The following PSMA1 variants were observed in gnomAD, a reference collection of about 807,000 sequenced individuals.
PSMA1 encodes proteasome 20S subunit alpha 1.
In PSMA1, 3 loss-of-function variants were observed where a neutral mutation model predicts 38.4. That is an observed-to-expected ratio of 0.08 (90% confidence interval 0.04 to 0.20). The LOEUF is 0.20. PSMA1 is among the 10% of genes least tolerant of loss of function. The probability of loss-of-function intolerance (pLI) is 1.00; values close to 1 mark genes in which losing one functional copy is unlikely to be tolerated. For missense variants in PSMA1, 227 were observed against 325.3 expected, an observed-to-expected ratio of 0.70 and a Z score of 2.32; for synonymous variants, 101 against 107.1, an observed-to-expected ratio of 0.94 and a Z score of 0.35.
intron 1 of PSMA1, among the ~76,000 whole-genome samples, chr11:14,634,022 A>T (rs565797190): frequency 6.6e-6 from 1 of 152,012 alleles, no homozygotes; most frequent in East Asian, 1.9e-4. Flanking sequence ...ACACCCACTG[A>T]CCTGCGCCCA....
chr11:14,632,105 C>G (rs1206666658), intron 1 of PSMA1, among the ~76,000 whole-genome samples: 2 of 141,604 alleles, frequency 1.4e-5, no homozygotes, highest in Non-Finnish European at 3.1e-5. Flanking sequence ...ACTGATGGGT[C>G]TTGACTCTTT....
chr11:14,572,892 C>T (rs188614227), intron 2 of PSMA1, among the ~76,000 whole-genome samples: 23 of 152,240 alleles, frequency 1.5e-4, no homozygotes, highest in East Asian at 3.9e-4. Context: ...AACACCTCTA[C>T]GCAAATAAAC....
chr11:14,622,880 A>T (rs7931291), intron 1 of PSMA1, among the ~76,000 whole-genome samples: 1 of 151,956 alleles, frequency 6.6e-6, no homozygotes, highest in Non-Finnish European at 1.5e-5. Flanking sequence ...GAATAACAAC[A>T]TAGGGCCCTG....
At chr11:14,597,359 G>A (rs1277488282) in intron 2 of PSMA1, among the ~76,000 whole-genome samples, 3 of 152,180 alleles carry the variant, frequency 2.0e-5, no homozygotes, top group South Asian at 2.1e-4. Flanking sequence ...ATTCGGTTGT[G>A]AATCCATCTG....
chr11:14,548,786 T>C (rs1851855060), intron 2 of PSMA1, among the ~76,000 whole-genome samples: 1 of 152,200 alleles, frequency 6.6e-6, no homozygotes, highest in Non-Finnish European at 1.5e-5. Flanking sequence ...AAATTAAAAA[T>C]ATATTGTCTT....
At chr11:14,618,278 G>A (rs948444008) in intron 1 of PSMA1, among the ~76,000 whole-genome samples, 4 of 152,162 alleles carry the variant, frequency 2.6e-5, no homozygotes, top group African/African-American at 7.2e-5. Context: ...TTGACTTAAT[G>A]GAATCCAGCT....
At chr11:14,577,071 G>T (rs1852227044) in intron 2 of PSMA1, among the ~76,000 whole-genome samples, 3 of 152,034 alleles carry the variant, frequency 2.0e-5, no homozygotes, top group African/African-American at 7.2e-5. Flanking sequence ...TCATGATTTG[G>T]CTCTCTGTTT....
upstream of PSMA1, among the ~76,000 whole-genome samples, chr11:14,523,731 G>A (rs1210586229): frequency 6.6e-6 from 1 of 151,496 alleles, no homozygotes; most frequent in African/African-American, 2.4e-5. Context: ...CTACAGGCAA[G>A]TACCCCCATG....
rs1366225245 is a variant in PSMA1 at position 14,603,361 on chromosome 11, A to G, written c.21+7605T>C. ...TAAATTACTGAACTTTTAATTAACAAAAGAGGACTATCCATATGACGAGAT... is the reference window on the plus strand; with the variant it reads ...TAAATTACTGAACTTTTAATTAACAGAAGAGGACTATCCATATGACGAGAT... On this transcript the variant is annotated intron_variant, in intron 2 of 10. Transcript: ENST00000418988. 2.0e-5 allele frequency among the ~76,000 whole-genome samples: 3 copies of G among 152,232 alleles called. No individual in the cohort carries two copies. In the East Asian group the frequency reaches 5.8e-4, roughly 29 times the overall value.
chr11:14,555,166 G>A (rs1851928983), intron 2 of PSMA1, among the ~76,000 whole-genome samples: 1 of 152,194 alleles, frequency 6.6e-6, no homozygotes, highest in Non-Finnish European at 1.5e-5. Flanking sequence ...CGCAGTACCA[G>A]GAATAGCTAT....
At chr11:14,537,010 A>T (rs1851716785) in intron 2 of PSMA1, among the ~76,000 whole-genome samples, 1 of 152,238 alleles carries the variant, frequency 6.6e-6, no homozygotes, top group Non-Finnish European at 1.5e-5. Context: ...CAGACATTTT[A>T]TGATGGAAGG....
At position 14,606,434 on chromosome 11, in the gene PSMA1, G is replaced by GA. The variant is rs1248264487; in HGVS notation, c.21+4531dup. Among the ~76,000 whole-genome samples, 1,021 of 127,662 alleles carry GA rather than the reference G, an allele frequency of 8.0e-3. 4 individuals are homozygous for GA. The highest frequency in any genetic ancestry group is 0.013 in the Non-Finnish European group (770 of 58,580). 83.8% of individuals were successfully genotyped at this position (127,662 alleles called of 152,430 possible). Reference sequence around the variant, plus strand: ...CCTGTCTGAATGAAAAAGAAAAAAAGAAAAAAAAAAAAAGAATCTGTTTTG... The same window carrying GA: ...CCTGTCTGAATGAAAAAGAAAAAAAGAAAAAAAAAAAAAAGAATCTGTTTTG... On this transcript the variant is annotated intron_variant, in intron 2 of 10. Transcript: ENST00000418988.
At chr11:14,619,799 G>C (rs910657859) in intron 1 of PSMA1, among the ~76,000 whole-genome samples, 1 of 152,128 alleles carries the variant, frequency 6.6e-6, no homozygotes, top group Non-Finnish European at 1.5e-5. Context: ...GTAATTTCTA[G>C]GTGATGAGTA....
At position 14,515,819 on chromosome 11, in the gene PSMA1, G is replaced by A. The variant is rs181969384; in HGVS notation, c.255-1328C>T. Reference sequence around the variant, plus strand: ...TCCACCCGCTTCAGCCTCCCAGAGTGCTGGGATTACAGGCATGAGACACCA... The same window carrying A: ...TCCACCCGCTTCAGCCTCCCAGAGTACTGGGATTACAGGCATGAGACACCA... On this transcript the variant is annotated intron_variant, in intron 4 of 9. Coordinates refer to ENST00000396394, the MANE Select transcript of PSMA1 (RefSeq NM_002786.4). Among the ~76,000 whole-genome samples, 162 of 152,000 alleles carry A rather than the reference G, an allele frequency of 1.1e-3. No individual in the cohort carries two copies. In the East Asian group the frequency reaches 0.029, roughly 27 times the overall value.
chr11:14,595,155 T>C (rs570335713), intron 2 of PSMA1, among the ~76,000 whole-genome samples: 3 of 152,348 alleles, frequency 2.0e-5, no homozygotes, highest in African/African-American at 4.8e-5. Context: ...CAGTCTATCA[T>C]TGATGGACAT....
chr11:14,615,701 A>G (rs1852763825), intron 1 of PSMA1, among the ~76,000 whole-genome samples: 3 of 152,206 alleles, frequency 2.0e-5, no homozygotes. Flanking sequence ...TCAGTATGCC[A>G]TCTGTTTCCT....
intron 1 of PSMA1, among the ~76,000 whole-genome samples, chr11:14,632,306 G>T (rs1010115488): frequency 6.7e-6 from 1 of 149,194 alleles, no homozygotes; most frequent in African/African-American, 2.5e-5. Flanking sequence ...GGCTGGTACC[G>T]GTTGTTCCTT....
chr11:14,554,130 T>C (rs1851917396), intron 2 of PSMA1, among the ~76,000 whole-genome samples: 1 of 152,210 alleles, frequency 6.6e-6, no homozygotes, highest in African/African-American at 2.4e-5. Context: ...TTTTCATGTC[T>C]TTTACCTATT....
At chr11:14,606,553 A>G (rs1427393111) in intron 2 of PSMA1, among the ~76,000 whole-genome samples, 1 of 152,242 alleles carries the variant, frequency 6.6e-6, no homozygotes, top group East Asian at 1.9e-4. Flanking sequence ...ATGCAGGCCT[A>G]CAGGACCAAA....
Sources: allele counts gnomAD v4.1 joint callset (sites outside exome capture counted in the v4.1 genomes callset), GRCh38; gene constraint gnomAD v4.1.1; transcripts MANE v1.5; gene names NCBI Gene and HGNC (gene_info 2026-07-23, HGNC 2026-07-21).